The following N4BP2 variants were observed in gnomAD, a reference collection of about 807,000 sequenced individuals.
The protein encoded by N4BP2 is NEDD4-binding protein 2.
In N4BP2, 91 loss-of-function variants were observed where a neutral mutation model predicts 152.8. That is an observed-to-expected ratio of 0.60 (90% confidence interval 0.50 to 0.71). The LOEUF is 0.71. N4BP2 is among the 30% of genes least tolerant of loss of function. The pLI is 0.00. For missense variants in N4BP2, 1,923 were observed against 2,059.1 expected, an observed-to-expected ratio of 0.93 and a Z score of 1.28; for synonymous variants, 646 against 705.3, an observed-to-expected ratio of 0.92 and a Z score of 1.33.
intron 3 of N4BP2, among the ~76,000 whole-genome samples, chr4:40,101,571 C>A (rs1398231696): frequency 2.0e-5 from 3 of 151,930 alleles, no homozygotes; most frequent in Non-Finnish European, 2.9e-5. Flanking sequence ...TTTTTTTTTA[C>A]AAAATATTTC....
chr4:40,122,425 G>A (rs1053443234), intron 9 of N4BP2, 116 bp downstream of exon 9: 1 of 589,420 alleles, frequency 1.7e-6, no homozygotes, highest in Middle Eastern at 4.2e-4. Context: ...CCAGGCTGGA[G>A]TGCAGTGCCT....
chr4:40,148,641 T>A (rs1322543557), intron 16 of N4BP2, among the ~76,000 whole-genome samples: 1 of 152,158 alleles, frequency 6.6e-6, no homozygotes, highest in African/African-American at 2.4e-5. Flanking sequence ...TTTTAAAAAA[T>A]TTTTAATTAA....
At chr4:40,064,890 C>T (rs1293245541) in intron 1 of N4BP2, among the ~76,000 whole-genome samples, 1 of 152,066 alleles carries the variant, frequency 6.6e-6, no homozygotes, top group Non-Finnish European at 1.5e-5. Context: ...CTGCCTCAGC[C>T]TCCTGTACTC....
chr4:40,170,242 C>T, the N4BP2 span, among the ~76,000 whole-genome samples: 2 of 152,016 alleles, frequency 1.3e-5, no homozygotes, highest in African/African-American at 4.8e-5. Context: ...CACTGGTCAT[C>T]CCAACTTAAG....
chr4:40,075,484 T>C (rs1283584153), intron 2 of N4BP2, among the ~76,000 whole-genome samples: 3 of 152,068 alleles, frequency 2.0e-5, no homozygotes, highest in Non-Finnish European at 2.9e-5. Flanking sequence ...CTGCAACCTC[T>C]GCCTCCCAGT....
At chr4:40,059,914 C>G (rs1156472094) in intron 1 of N4BP2, among the ~76,000 whole-genome samples, 1 of 152,064 alleles carries the variant, frequency 6.6e-6, no homozygotes, top group Non-Finnish European at 1.5e-5. Flanking sequence ...TGAAAGTTAC[C>G]CGACTAGTGT....
chr4:40,124,477 G>C (rs993185419), intron 11 of N4BP2, among the ~76,000 whole-genome samples: 1 of 151,984 alleles, frequency 6.6e-6, no homozygotes, highest in African/African-American at 2.4e-5. Flanking sequence ...CTCCCAAGTA[G>C]CTGGGACTAC....
intron 16 of N4BP2, among the ~76,000 whole-genome samples, chr4:40,148,312 A>G (rs973097498): frequency 3.3e-5 from 5 of 152,232 alleles, no homozygotes; most frequent in Non-Finnish European, 7.3e-5. Context: ...CCAGTCACGC[A>G]TGGCGGCGCG....
the N4BP2 span, among the ~76,000 whole-genome samples, chr4:40,164,821 C>G: frequency 6.6e-6 from 1 of 152,158 alleles, no homozygotes; most frequent in African/African-American, 2.4e-5. Flanking sequence ...ACAAAATAGG[C>G]TTATACATTG....
chr4:40,180,188 G>C, the N4BP2 span, among the ~76,000 whole-genome samples: 1 of 152,164 alleles, frequency 6.6e-6, no homozygotes, highest in East Asian at 1.9e-4. Context: ...ACAGATTATT[G>C]ATATCTTTCA....
Position 40,152,831 on chromosome 4 carries a change from G to A in N4BP2, c.5195G>A (p.Gly1732Glu). ...KPYLSVITGR[G>E]NHSQGGVARI... ...TATTTGTCTGTGATTACGGGGAGAG[G>A]AAACCACAGCCAGGGAGGAGTTGCT... is the stretch of plus-strand genomic sequence containing the variant. The change falls in exon 17 of 18, where the codon GGA becomes GAA. Residue 1732 changes from glycine to glutamate, a missense_variant. Physicochemically the swap from Gly to Glu is moderately conservative, Grantham distance 98. Coordinates refer to ENST00000261435, the MANE Select transcript of N4BP2 (RefSeq NM_018177.6). 4.3e-6 allele frequency: 7 copies of A among 1,614,042 alleles called. No homozygotes were observed. Among genetic ancestry groups the A allele is most frequent in the Non-Finnish European group, 3.4e-6 (4 of 1,179,960 alleles).
chr4:40,087,187 T>C (rs1232046658), intron 2 of N4BP2, among the ~76,000 whole-genome samples: 1 of 152,112 alleles, frequency 6.6e-6, no homozygotes, highest in Non-Finnish European at 1.5e-5. Flanking sequence ...ATCTTCTGTG[T>C]TCTTACTGTT....
Position 40,120,784 on chromosome 4 carries a change from A to G in N4BP2, c.2673A>G (p.Leu891=). 1 of 1,614,198 alleles carries G rather than the reference A, an allele frequency of 6.2e-7. No homozygotes were observed. Residue 891 remains leucine, a synonymous_variant, in exon 9 of 18, where the codon TTA becomes TTG. Transcript: ENST00000261435. ...GTGACTGGCCTTCATCTGATTCTTT[A>G]GCTCAGAGGGAACACAGATCAAGAA... The part of the protein sequence containing the change: ...IMGDWPSSDS[L]AQREHRSRMP...
At chr4:40,105,699 G>A (rs1160030950) in intron 4 of N4BP2, among the ~76,000 whole-genome samples, 2 of 151,822 alleles carry the variant, frequency 1.3e-5, no homozygotes, top group Non-Finnish European at 2.9e-5. Context: ...ACAGGCATGG[G>A]CCCACCACAC....
chr4:40,082,922 G>A (rs1454356595), intron 2 of N4BP2: 3 of 165,950 alleles, frequency 1.8e-5, no homozygotes, highest in East Asian at 1.7e-4. Context: ...GGATGGTCTC[G>A]ATCTCCTGAC....
rs560401296 is a variant in N4BP2 at position 40,088,087 on chromosome 4, T to C, written c.-114-9140T>C. The stretch of plus-strand genomic sequence containing the variant: ...CTGGCTTTTACTGAGCATAATACTC[T>C]GGAATTTCATCCAGGTTGTTGTATG... On this transcript the variant is annotated intron_variant, in intron 2 of 17. Transcript: ENST00000261435. 3.9e-5 allele frequency among the ~76,000 whole-genome samples: 6 copies of C among 152,330 alleles called. No individual in the cohort carries two copies. The South Asian group carries it at 1.2e-3, about 32-fold the overall frequency.
At chr4:40,082,078 C>T (rs891024518) in intron 2 of N4BP2, among the ~76,000 whole-genome samples, 1 of 152,034 alleles carries the variant, frequency 6.6e-6, no homozygotes, top group Non-Finnish European at 1.5e-5. Context: ...CGCCATTGCA[C>T]TCTAGCTTGG....
chr4:40,060,787 T>C (rs1188902761), intron 1 of N4BP2, among the ~76,000 whole-genome samples: 1 of 151,486 alleles, frequency 6.6e-6, no homozygotes, highest in Non-Finnish European at 1.5e-5. Context: ...AATTTTTTTG[T>C]AGAGACAGGG....
chr4:40,148,159 C>T (rs1720779432), intron 16 of N4BP2, among the ~76,000 whole-genome samples: 1 of 152,184 alleles, frequency 6.6e-6, no homozygotes, highest in Admixed American at 6.5e-5. Context: ...AGCCTGGGCA[C>T]CAATGAGCAC....
Sources: allele counts gnomAD v4.1 joint callset (sites outside exome capture counted in the v4.1 genomes callset), GRCh38; gene constraint gnomAD v4.1.1; transcripts MANE v1.5; gene names NCBI Gene and HGNC (gene_info 2026-07-23, HGNC 2026-07-21).